The following MCF2L2 variants were observed in gnomAD, a reference collection of about 807,000 sequenced individuals.
MCF2L2 encodes probable guanine nucleotide exchange factor MCF2L2.
Under a neutral mutation model 150.2 loss-of-function variants are expected in MCF2L2, and 102 were observed. The observed-to-expected ratio is 0.68, with a 90% CI of 0.58 to 0.80. The LOEUF (loss-of-function observed/expected upper bound fraction) is 0.80, where lower values mean the gene tolerates loss of function less well. Among genes scored for constraint, MCF2L2 ranks in the 30% least tolerant of loss-of-function variants. MCF2L2 has a pLI of 0.00. For synonymous variants in MCF2L2, 465 were observed against 491.3 expected (o/e 0.95, Z 0.71); for missense variants, 1,256 against 1,372.8 (o/e 0.91, Z 1.34).
chr3:183,207,211 A>C (rs943249051), intron 23 of MCF2L2, among the ~76,000 whole-genome samples: 1 of 152,188 alleles, frequency 6.6e-6, no homozygotes, highest in Non-Finnish European at 1.5e-5. Context: ...TTAGACCCCA[A>C]GGTCAGGACA....
chr3:183,402,370 C>T (rs75732262), intron 1 of MCF2L2, among the ~76,000 whole-genome samples: 38,789 of 146,914 alleles, frequency 0.26, 5,855 homozygotes, highest in Non-Finnish European at 0.36. Flanking sequence ...AGGAGAATGG[C>T]GTGACCTCGG....
intron 13 of MCF2L2, among the ~76,000 whole-genome samples, chr3:183,294,345 T>TTTG (rs370642645): frequency 2.2e-4 from 34 of 151,566 alleles, no homozygotes; most frequent in Middle Eastern, 3.5e-3. Context: ...TTATGATGCA[T>TTTG]TTGTTGTTGT....
intron 15 of MCF2L2, among the ~76,000 whole-genome samples, chr3:183,264,177 C>A (rs1466100234): frequency 6.6e-6 from 1 of 152,182 alleles, no homozygotes; most frequent in East Asian, 1.9e-4. Context: ...TTTCAAGGTT[C>A]TCCATAAGCA....
intron 12 of MCF2L2, chr3:183,296,740 C>A: frequency 2.1e-6 from 1 of 480,616 alleles, no homozygotes; most frequent in Non-Finnish European, 3.8e-6. Context: ...CATGGTACAT[C>A]AGGAATGCTC....
intron 3 of MCF2L2, among the ~76,000 whole-genome samples, chr3:183,354,981 G>T (rs1002622245): frequency 6.6e-6 from 1 of 151,874 alleles, no homozygotes; most frequent in African/African-American, 2.4e-5. Flanking sequence ...ATGTTTCCAG[G>T]TCTTTGTACT....
chr3:183,382,051 T>TTTATTATTATTATTATTA (rs3050286), intron 2 of MCF2L2, among the ~76,000 whole-genome samples: 1 of 148,378 alleles, frequency 6.7e-6, no homozygotes, highest in Non-Finnish European at 1.5e-5. Flanking sequence ...AATTTCACCT[T>TTTATTATTATTATTATTA]TTATTATTAT....
chr3:183,251,502 C>T (rs1724527531), intron 15 of MCF2L2, among the ~76,000 whole-genome samples: 1 of 152,204 alleles, frequency 6.6e-6, no homozygotes, highest in South Asian at 2.1e-4. Context: ...CCGAGTCTAA[C>T]ATGCAGATTT....
intron 1 of MCF2L2, among the ~76,000 whole-genome samples, chr3:183,413,104 A>G (rs1259585576): frequency 6.6e-6 from 1 of 152,004 alleles, no homozygotes; most frequent in Non-Finnish European, 1.5e-5. Context: ...TCTTTTTTGT[A>G]TGTTGCTGGA....
At chr3:183,242,435 T>A (rs1724070357) in intron 15 of MCF2L2, among the ~76,000 whole-genome samples, 1 of 152,180 alleles carries the variant, frequency 6.6e-6, no homozygotes, top group Non-Finnish European at 1.5e-5. Flanking sequence ...CTCTATGCAG[T>A]CTAGGGACTT....
At chr3:183,324,095 T>C (rs1350020019) in intron 5 of MCF2L2, among the ~76,000 whole-genome samples, 2 of 152,152 alleles carry the variant, frequency 1.3e-5, no homozygotes, top group Non-Finnish European at 2.9e-5. Flanking sequence ...AAAATAAAAC[T>C]AGAATACAGG....
chr3:183,335,728 C>G (rs1380664573), intron 5 of MCF2L2, among the ~76,000 whole-genome samples: 17 of 151,992 alleles, frequency 1.1e-4, no homozygotes, highest in Non-Finnish European at 2.5e-4. Flanking sequence ...ATCAGCCAGG[C>G]ATGGTGGTGT....
intron 1 of MCF2L2, among the ~76,000 whole-genome samples, chr3:183,421,264 C>T (rs553128503): frequency 2.0e-5 from 3 of 152,196 alleles, no homozygotes; most frequent in African/African-American, 7.2e-5. Flanking sequence ...TTTTTCTGCT[C>T]CTCCTGTAGC....
chr3:183,401,242 A>G (rs1180737488), intron 1 of MCF2L2, among the ~76,000 whole-genome samples: 3 of 152,152 alleles, frequency 2.0e-5, no homozygotes, highest in Non-Finnish European at 4.4e-5. Context: ...TTGGTTCCTC[A>G]TGCTTAATGG....
intron 19 of MCF2L2, among the ~76,000 whole-genome samples, chr3:183,223,793 T>C (rs759219609): frequency 2.6e-5 from 4 of 152,206 alleles, no homozygotes; most frequent in Non-Finnish European, 4.4e-5. Flanking sequence ...TCAGGCCTTT[T>C]GGAGCCTGAA....
At chr3:183,253,430 A>G (rs1406646917) in intron 15 of MCF2L2, 1 of 152,028 alleles carries the variant, frequency 6.6e-6, no homozygotes, top group African/African-American at 2.4e-5. Context: ...GAACTTCGTG[A>G]GTTTCGCTCT....
intron 27 of MCF2L2, among the ~76,000 whole-genome samples, chr3:183,190,695 C>T (rs1335476780): frequency 1.3e-5 from 2 of 152,198 alleles, no homozygotes; most frequent in African/African-American, 4.8e-5. Flanking sequence ...ACAGGCATTT[C>T]CTGGCTGGAC....
At position 183,296,997 on chromosome 3, in the gene MCF2L2, C is replaced by T; in HGVS notation, c.1476G>A (p.Leu492=). ...TTACCTTTGCATCGAGGGTGAGCAGCAACTCAAACTCGTTGTAAAACTCCT... is the reference window on the plus strand; with the variant it reads ...TTACCTTTGCATCGAGGGTGAGCAGTAACTCAAACTCGTTGTAAAACTCCT... ...SPKEFYNEFE[L]LLTLDAKAKA... The change falls in exon 12 of 30, where the codon TTG becomes TTA. Residue 492 remains leucine, a synonymous_variant. Transcript: ENST00000328913. 1 of 1,613,804 alleles carries T rather than the reference C, an allele frequency of 6.2e-7. No individual in the cohort carries two copies. The highest frequency in any genetic ancestry group is 8.5e-7 in the Non-Finnish European group (1 of 1,179,858).
At chr3:183,202,435 C>T (rs1212850728) in intron 25 of MCF2L2, among the ~76,000 whole-genome samples, 1 of 152,196 alleles carries the variant, frequency 6.6e-6, no homozygotes, top group African/African-American at 2.4e-5. Flanking sequence ...GCACACATTT[C>T]CTGTGAACAT....
chr3:183,269,914 T>C, intron 15 of MCF2L2: 1 of 1,614,162 alleles, frequency 6.2e-7, no homozygotes, highest in Non-Finnish European at 8.5e-7. Flanking sequence ...GATAATCACA[T>C]TGTGAGCCAT....
Sources: allele counts gnomAD v4.1 joint callset (sites outside exome capture counted in the v4.1 genomes callset), GRCh38; gene constraint gnomAD v4.1.1; transcripts MANE v1.5; gene names NCBI Gene and HGNC (gene_info 2026-07-23, HGNC 2026-07-21).